The following TCF4 variants were observed in gnomAD, a reference collection of about 807,000 sequenced individuals.
TCF4 encodes SL3-3 enhancer factor 2.
Under a neutral mutation model 82.1 loss-of-function variants are expected in TCF4, and 3 were observed. The observed-to-expected ratio is 0.04, with a 90% CI of 0.02 to 0.09. The LOEUF (loss-of-function observed/expected upper bound fraction) is 0.09. Ranked by LOEUF, TCF4 falls within the 10% of genes least tolerant of loss-of-function variation. The pLI, the probability that TCF4 is intolerant of heterozygous loss-of-function variation, is 1.00. For missense variants in TCF4, 518 were observed against 852.7 expected, an observed-to-expected ratio of 0.61 and a Z score of 4.89; for synonymous variants, 276 against 309.6, an observed-to-expected ratio of 0.89 and a Z score of 1.14.
chr18:55,383,551 C>A (rs1421000088), intron 6 of TCF4, among the ~76,000 whole-genome samples: 2 of 152,176 alleles, frequency 1.3e-5, no homozygotes, highest in Non-Finnish European at 2.9e-5. Flanking sequence ...TTTGAAGACA[C>A]TACGACAAGG....
At chr18:55,531,400 G>A (rs901358175) in intron 3 of TCF4, among the ~76,000 whole-genome samples, 12 of 152,150 alleles carry the variant, frequency 7.9e-5, no homozygotes, top group African/African-American at 2.4e-4. Context: ...AGAAAGGATC[G>A]CTAAGTAGAG....
intron 3 of TCF4, among the ~76,000 whole-genome samples, chr18:55,571,874 CAA>C (rs57217543): frequency 8.2e-6 from 1 of 122,536 alleles, no homozygotes; most frequent in Non-Finnish European, 1.8e-5. Flanking sequence ...ATTTTCTTTT[CAA>C]AAAAAAAAAA....
At chr18:55,337,163 C>T (rs570488852) in intron 8 of TCF4, among the ~76,000 whole-genome samples, 1 of 152,050 alleles carries the variant, frequency 6.6e-6, no homozygotes, top group African/African-American at 2.4e-5. Flanking sequence ...AATGTGGGAA[C>T]AGAAAGGTTA....
chr18:55,561,223 A>G (rs2097352381), intron 3 of TCF4, among the ~76,000 whole-genome samples: 1 of 152,176 alleles, frequency 6.6e-6, no homozygotes, highest in Admixed American at 6.5e-5. Flanking sequence ...CCTCTACTCC[A>G]ATGATACAGA....
intron 3 of TCF4, among the ~76,000 whole-genome samples, chr18:55,490,525 T>C (rs2096565155): frequency 6.6e-6 from 1 of 152,124 alleles, no homozygotes; most frequent in South Asian, 2.1e-4. Flanking sequence ...TTGATATGAA[T>C]AGTACATGCA....
chr18:55,293,575 T>C (rs1043477504), intron 8 of TCF4, among the ~76,000 whole-genome samples: 1 of 152,232 alleles, frequency 6.6e-6, no homozygotes. Context: ...AGATAGAGGT[T>C]CTTAACCTCT....
At chr18:55,391,081 T>C (rs778475208) in intron 6 of TCF4, among the ~76,000 whole-genome samples, 3 of 152,216 alleles carry the variant, frequency 2.0e-5, no homozygotes, top group Non-Finnish European at 4.4e-5. Context: ...GTGGCAGCTG[T>C]TGACATTCTT....
chr18:55,625,727 CATT>C (rs765856775), intron 2 of TCF4, among the ~76,000 whole-genome samples: 6 of 152,192 alleles, frequency 3.9e-5, no homozygotes, highest in South Asian at 2.1e-4. Context: ...GTTTTGCTAT[CATT>C]GTTTTTGCAG....
intron 5 of TCF4, among the ~76,000 whole-genome samples, chr18:55,447,017 A>G (rs1390709501): frequency 2.0e-5 from 3 of 151,880 alleles, no homozygotes; most frequent in African/African-American, 7.2e-5. Flanking sequence ...AAAGAAAAAA[A>G]AATCTTAGCC....
At chr18:55,516,120 G>A (rs2096878858) in intron 3 of TCF4, among the ~76,000 whole-genome samples, 1 of 152,170 alleles carries the variant, frequency 6.6e-6, no homozygotes, top group Non-Finnish European at 1.5e-5. Context: ...ATCATTCAGT[G>A]ATGACTTACG....
chr18:55,342,158 C>A (rs775770785), intron 8 of TCF4, among the ~76,000 whole-genome samples: 1 of 152,048 alleles, frequency 6.6e-6, no homozygotes, highest in African/African-American at 2.4e-5. Context: ...TCACTTACAT[C>A]AATATTGGGT....
At chr18:55,530,562 G>GT (rs33938531) in intron 3 of TCF4, among the ~76,000 whole-genome samples, 6 of 24,708 alleles carry the variant, frequency 2.4e-4, no homozygotes, top group Non-Finnish European at 3.2e-4. Flanking sequence ...GCCCTGAAAA[G>GT]GGGGGGGGAA....
intron 8 of TCF4, among the ~76,000 whole-genome samples, chr18:55,337,997 G>C (rs574820175): frequency 6.6e-6 from 1 of 151,950 alleles, no homozygotes; most frequent in Admixed American, 6.6e-5. Context: ...CTAGGGCACT[G>C]AACTCTCACC....
intron 2 of TCF4, among the ~76,000 whole-genome samples, chr18:55,618,123 C>G (rs1297568991): frequency 6.6e-6 from 1 of 152,050 alleles, no homozygotes; most frequent in Admixed American, 6.6e-5. Context: ...CAAATTCCTT[C>G]TATACTTAGC....
intron 3 of TCF4, among the ~76,000 whole-genome samples, chr18:55,505,258 C>T (rs1040116928): frequency 3.9e-5 from 6 of 152,106 alleles, no homozygotes; most frequent in Non-Finnish European, 8.8e-5. Context: ...TTATGGAATC[C>T]TTCTCTTCAA....
At chr18:55,515,879 G>A (rs1306229386) in intron 3 of TCF4, among the ~76,000 whole-genome samples, 1 of 152,138 alleles carries the variant, frequency 6.6e-6, no homozygotes, top group South Asian at 2.1e-4. Flanking sequence ...TAGGAGAAAT[G>A]AGCATATTAA....
At position 55,510,688 on chromosome 18, in the gene TCF4, A is replaced by C. The variant is rs958952309; in HGVS notation, c.146-46551T>G. ...AAACTTTTAAAGTTTGTGAACTGAG[A>C]CCTCCACTTTAAAAGGCCTTTCTTT... On this transcript the variant is annotated intron_variant, in intron 3 of 19. Coordinates refer to ENST00000354452, the MANE Select transcript of TCF4 (RefSeq NM_001083962.2). The C allele has an allele frequency of 8.9e-6, 13 of 1,458,126 alleles. No homozygotes were observed. The African/African-American group carries it at 1.9e-4, about 21-fold the overall frequency. 90.3% of individuals were successfully genotyped at this position (1,458,126 alleles called of 1,614,324 possible). A position where few individuals can be genotyped will look rare whatever the true frequency, so the allele number is the denominator to read the frequency against.
At chr18:55,390,621 T>C (rs1195867133) in intron 6 of TCF4, among the ~76,000 whole-genome samples, 3 of 152,212 alleles carry the variant, frequency 2.0e-5, no homozygotes, top group East Asian at 1.9e-4. Context: ...AAGGAAGATA[T>C]ATTAGATGGA....
chr18:55,388,252 G>C (rs957428895), intron 6 of TCF4, among the ~76,000 whole-genome samples: 1 of 152,180 alleles, frequency 6.6e-6, no homozygotes, highest in Non-Finnish European at 1.5e-5. Flanking sequence ...TTGTACCAGG[G>C]AGAGTGAAGG....
Sources: gnomAD v4.1 joint callset for allele counts (sites outside exome capture counted in the v4.1 genomes callset) on GRCh38, gnomAD v4.1.1 for gene constraint, MANE v1.5 for transcripts, NCBI Gene and HGNC (gene_info 2026-07-23, HGNC 2026-07-21) for gene names.